The following SNTG1 variants were observed in gnomAD, a reference collection of about 807,000 sequenced individuals.
SNTG1 encodes syntrophin gamma 1.
Under a neutral mutation model 74.7 loss-of-function variants are expected in SNTG1, and 39 were observed. The ratio of observed to expected loss-of-function variants is 0.52; its 90% CI spans 0.40 to 0.68. The LOEUF (loss-of-function observed/expected upper bound fraction) is 0.68. SNTG1 is among the 30% of genes least tolerant of loss of function. The probability of loss-of-function intolerance (pLI) is 0.00; values close to 1 mark genes in which losing one functional copy is unlikely to be tolerated. For synonymous variants in SNTG1, 254 were observed against 217.1 expected (o/e 1.17, Z -1.49); for missense variants, 685 against 609.5 (o/e 1.12, Z -1.30).
intron 12 of SNTG1, among the ~76,000 whole-genome samples, chr8:50,575,898 G>A (rs938607636): frequency 6.6e-6 from 1 of 152,036 alleles, no homozygotes; most frequent in African/African-American, 2.4e-5. Flanking sequence ...TTGTTTCCTT[G>A]AAATAGTTCC....
At chr8:50,309,537 G>A (rs1026921389) in intron 2 of SNTG1, among the ~76,000 whole-genome samples, 1 of 152,158 alleles carries the variant, frequency 6.6e-6, no homozygotes. Flanking sequence ...GATGAGTGGG[G>A]GATTTTGACA....
At chr8:50,735,361 GCTAAGAAA>G (rs2095525711) in intron 17 of SNTG1, among the ~76,000 whole-genome samples, 1 of 151,934 alleles carries the variant, frequency 6.6e-6, no homozygotes, top group African/African-American at 2.4e-5. Context: ...ATGAAAGGAA[GCTAAGAAA>G]CTTGAAAACA....
At chr8:50,401,180 T>C (rs1429645636) in intron 3 of SNTG1, among the ~76,000 whole-genome samples, 1 of 152,132 alleles carries the variant, frequency 6.6e-6, no homozygotes, top group Non-Finnish European at 1.5e-5. Flanking sequence ...TCAATAATTA[T>C]TACAAGAAAA....
chr8:50,704,847 C>T (rs2095438269), intron 16 of SNTG1, 95 bp downstream of exon 16: 6 of 1,410,698 alleles, frequency 4.3e-6, no homozygotes, highest in Non-Finnish European at 5.8e-6. Flanking sequence ...TGTAAAAATA[C>T]AGTTCTGGGA....
At chr8:50,381,769 T>TTA (rs1386446654) in intron 2 of SNTG1, 2 of 131,260 alleles carry the variant, frequency 1.5e-5, no homozygotes, top group Non-Finnish European at 3.3e-5. Flanking sequence ...ATCCTATTAG[T>TTA]TATATATATA....
chr8:50,361,831 C>T (rs2091966896), intron 2 of SNTG1, among the ~76,000 whole-genome samples: 1 of 152,120 alleles, frequency 6.6e-6, no homozygotes, highest in Admixed American at 6.6e-5. Flanking sequence ...TATACTAAAA[C>T]TTGAAGGTAA....
intron 18 of SNTG1, among the ~76,000 whole-genome samples, chr8:50,776,965 TCTC>T (rs1392008604): frequency 6.6e-6 from 1 of 151,848 alleles, no homozygotes; most frequent in Non-Finnish European, 1.5e-5. Flanking sequence ...TGACTTGTGT[TCTC>T]CTATAGGTAA....
chr8:49,930,846 G>T (rs1761186229), intron 1 of SNTG1, among the ~76,000 whole-genome samples: 1 of 152,138 alleles, frequency 6.6e-6, no homozygotes, highest in Non-Finnish European at 1.5e-5. Context: ...TTGAAAAAAT[G>T]CTGCATGAAA....
At chr8:50,094,518 C>G (rs937464168) in intron 1 of SNTG1, among the ~76,000 whole-genome samples, 8 of 151,842 alleles carry the variant, frequency 5.3e-5, no homozygotes, top group Non-Finnish European at 2.9e-5. Context: ...AAAAAATGAG[C>G]AATGGATATG....
At chr8:50,557,029 TCAGACAGGCA>T (rs1308422632) in intron 12 of SNTG1, among the ~76,000 whole-genome samples, 5 of 152,046 alleles carry the variant, frequency 3.3e-5, no homozygotes, top group African/African-American at 1.2e-4. Flanking sequence ...CTCACACCAC[TCAGACAGGCA>T]CAGGCTGTAC....
intron 2 of SNTG1, among the ~76,000 whole-genome samples, chr8:50,315,208 A>G (rs1203676938): frequency 6.7e-6 from 1 of 149,602 alleles, no homozygotes; most frequent in East Asian, 2.0e-4. Flanking sequence ...ATTTATCTTC[A>G]GTTTGTTATG....
intron 13 of SNTG1, among the ~76,000 whole-genome samples, chr8:50,629,231 T>A (rs993140805): frequency 1.3e-5 from 2 of 152,202 alleles, no homozygotes; most frequent in East Asian, 3.8e-4. Context: ...GCAGAGATTT[T>A]TTTCAAATTT....
At chr8:50,416,326 T>G (rs894957434) in intron 4 of SNTG1, among the ~76,000 whole-genome samples, 1 of 152,166 alleles carries the variant, frequency 6.6e-6, no homozygotes, top group Non-Finnish European at 1.5e-5. Context: ...TAGTTCCTCC[T>G]GCTTCATTCC....
chr8:49,916,261 G>T (rs904258970), intron 1 of SNTG1, among the ~76,000 whole-genome samples: 2 of 151,762 alleles, frequency 1.3e-5, no homozygotes, highest in Admixed American at 1.3e-4. Context: ...GAGAGTAAGA[G>T]GTCATTAAAA....
chr8:50,030,692 T>A (rs1022473658), intron 1 of SNTG1, among the ~76,000 whole-genome samples: 10 of 152,084 alleles, frequency 6.6e-5, no homozygotes, highest in African/African-American at 2.4e-4. Context: ...CCCCATTTTG[T>A]TTCATTGATC....
At chr8:49,949,579 A>G (rs1809518893) in intron 1 of SNTG1, among the ~76,000 whole-genome samples, 1 of 152,188 alleles carries the variant, frequency 6.6e-6, no homozygotes, top group African/African-American at 2.4e-5. Context: ...AAGAAACAGC[A>G]TTACTTCATA....
rs111312838 is a variant in SNTG1 at position 50,588,914 on chromosome 8, G to T, written c.811-1965G>T. Among the ~76,000 whole-genome samples, 1,218 of 151,966 alleles carry T rather than the reference G, an allele frequency of 8.0e-3. 15 individuals are homozygous for T. Among genetic ancestry groups the T allele is most frequent in the African/African-American group, 0.027 (1,112 of 41,440 alleles). On this transcript the variant is annotated intron_variant, in intron 12 of 18. Transcript: ENST00000642720. ...TTTCTAAAGGCCATTTTCATATTTT[G>T]CAAACATAGTTTTTACATATTATTA...
At chr8:50,048,675 A>G (rs1427423978) in intron 1 of SNTG1, among the ~76,000 whole-genome samples, 1 of 152,194 alleles carries the variant, frequency 6.6e-6, no homozygotes, top group Non-Finnish European at 1.5e-5. Flanking sequence ...TCTGTTTTGT[A>G]GAATGTCGCT....
At chr8:50,202,380 G>GAATT (rs1203711639) in intron 2 of SNTG1, among the ~76,000 whole-genome samples, 1 of 151,860 alleles carries the variant, frequency 6.6e-6, no homozygotes, top group Non-Finnish European at 1.5e-5. Flanking sequence ...ATCTCTCTTG[G>GAATT]AATTACTGCT....
Sources: allele counts gnomAD v4.1 joint callset (sites outside exome capture counted in the v4.1 genomes callset), GRCh38; gene constraint gnomAD v4.1.1; transcripts MANE v1.5; gene names NCBI Gene and HGNC (gene_info 2026-07-23, HGNC 2026-07-21).